Variants in GRM1 observed in about 807,000 individuals in gnomAD.
GRM1 encodes glutamate metabotropic receptor 1, also known as metabotropic glutamate receptor 1.
A neutral mutation model predicts 90.9 loss-of-function variants in GRM1; 33 were observed. That is an observed-to-expected ratio of 0.36 (90% CI 0.28 to 0.49). The LOEUF (loss-of-function observed/expected upper bound fraction) is 0.49, where lower values mean the gene tolerates loss of function less well. GRM1 is among the 20% of genes least tolerant of loss of function. GRM1 has a pLI of 0.99. For missense variants in GRM1, 1,190 were observed against 1,534.3 expected (o/e 0.78, Z 3.75); for synonymous variants, 700 against 613.2 (o/e 1.14, Z -2.09).
At chr6:146,140,433 T>A (rs1776830184) in intron 1 of GRM1, among the ~76,000 whole-genome samples, 1 of 152,000 alleles carries the variant, frequency 6.6e-6, no homozygotes, top group African/African-American at 2.4e-5. Flanking sequence ...CATACCAGGC[T>A]AATTTTTGTA....
At chr6:146,295,714 T>C (rs1783153103) in intron 2 of GRM1, among the ~76,000 whole-genome samples, 1 of 152,192 alleles carries the variant, frequency 6.6e-6, no homozygotes, top group Admixed American at 6.5e-5. Flanking sequence ...TGAGAGATTA[T>C]CTTAGTGGGC....
chr6:146,232,141 G>T (rs1402888345), intron 2 of GRM1, among the ~76,000 whole-genome samples: 2 of 152,064 alleles, frequency 1.3e-5, no homozygotes, highest in Non-Finnish European at 2.9e-5. Flanking sequence ...TTGGCAGTTT[G>T]TGTCTTTATT....
At chr6:146,329,035 A>G (rs1036311310) in intron 3 of GRM1, among the ~76,000 whole-genome samples, 1 of 152,134 alleles carries the variant, frequency 6.6e-6, no homozygotes, top group African/African-American at 2.4e-5. Context: ...ACACCCTGGG[A>G]CCATCTGTTA....
intron 3 of GRM1, among the ~76,000 whole-genome samples, chr6:146,315,118 C>T (rs1024722279): frequency 1.3e-5 from 2 of 152,126 alleles, no homozygotes; most frequent in African/African-American, 4.8e-5. Context: ...TCAAACTTCA[C>T]ACCAATGAGC....
intron 7 of GRM1, among the ~76,000 whole-genome samples, chr6:146,426,198 T>C (rs1778204420): frequency 6.8e-6 from 1 of 146,208 alleles, no homozygotes; most frequent in South Asian, 2.2e-4. Flanking sequence ...CCTTTAGGAG[T>C]AGAGGGTGGG....
At chr6:146,432,583 A>AT in intron 7 of GRM1, among the ~76,000 whole-genome samples, 1 of 152,326 alleles carries the variant, frequency 6.6e-6, no homozygotes, top group African/African-American at 2.4e-5. Context: ...AAAAATGTCC[A>AT]TTTTTATATT....
At chr6:146,183,134 A>G (rs1407612469) in intron 2 of GRM1, among the ~76,000 whole-genome samples, 2 of 152,116 alleles carry the variant, frequency 1.3e-5, no homozygotes, top group African/African-American at 4.8e-5. Flanking sequence ...GCAGGGTTCA[A>G]GATGGCTTAC....
chr6:146,092,335 A>G (rs1776742140), intron 1 of GRM1, among the ~76,000 whole-genome samples: 1 of 152,110 alleles, frequency 6.6e-6, no homozygotes, highest in Non-Finnish European at 1.5e-5. Flanking sequence ...CTAGGGTTTC[A>G]ACATGATTTT....
rs73578833 is a variant in GRM1, at chr6:146,093,728, T to A, written c.700+63511T>A. Among the ~76,000 whole-genome samples the A allele has an allele frequency of 1.0e-2, 1,515 of 152,158 alleles. 22 individuals are homozygous for A. The highest frequency in any genetic ancestry group is 0.035 in the African/African-American group (1,439 of 41,532). ...TCCAGCTCCTTTTCTCAAACATGCA[T>A]ATACAAATCCATTAAGGTGCTCAAT... is the stretch of plus-strand genomic sequence containing the variant. On this transcript the variant is annotated intron_variant, in intron 1 of 7. Coordinates refer to ENST00000282753, the MANE Select transcript of GRM1 (RefSeq NM_001278064.2).
intron 3 of GRM1, among the ~76,000 whole-genome samples, chr6:146,351,453 A>G (rs894682290): frequency 2.6e-5 from 4 of 152,214 alleles, no homozygotes; most frequent in East Asian, 1.9e-4. Flanking sequence ...TTTCTCATCC[A>G]TATCTAAGTC....
intron 7 of GRM1, among the ~76,000 whole-genome samples, chr6:146,409,744 TATA>T (rs1347151263): frequency 6.6e-6 from 1 of 152,170 alleles, no homozygotes; most frequent in African/African-American, 2.4e-5. Context: ...AAAATGTACC[TATA>T]ATAACATTTT....
chr6:146,283,008 T>C (rs1454427495), intron 2 of GRM1, among the ~76,000 whole-genome samples: 1 of 152,166 alleles, frequency 6.6e-6, no homozygotes, highest in Non-Finnish European at 1.5e-5. Context: ...AGGTACAGTA[T>C]TTTGTACAGT....
intron 1 of GRM1, among the ~76,000 whole-genome samples, chr6:146,074,609 A>G (rs186267245): frequency 6.6e-6 from 1 of 152,292 alleles, no homozygotes; most frequent in Non-Finnish European, 1.5e-5. Context: ...ACTTCCTGGC[A>G]GGTTTCTTTA....
intron 4 of GRM1, among the ~76,000 whole-genome samples, chr6:146,354,301 T>C (rs527719647): frequency 5.5e-4 from 84 of 152,282 alleles, no homozygotes; most frequent in Admixed American, 2.4e-3. Context: ...TACCTGCCTC[T>C]GTAAACCCTC....
chr6:146,153,636 G>A lies in GRM1; in HGVS notation c.701-5712G>A, dbSNP rs187629054. ...AACAGCACACACTAGGGCCTGTCAT[G>A]GGAAGCGGTGCAGGGAGGGAGAGCA... On this transcript the variant is annotated intron_variant, in intron 1 of 7. Coordinates refer to ENST00000282753, the MANE Select transcript of GRM1 (RefSeq NM_001278064.2). 9.9e-4 allele frequency among the ~76,000 whole-genome samples: 151 copies of A among 152,286 alleles called. 1 individual carries two copies. The highest frequency in any genetic ancestry group is 6.5e-3 in the Admixed American group (100 of 15,300).
At chr6:146,378,829 C>T (rs1776209071) in intron 5 of GRM1, among the ~76,000 whole-genome samples, 2 of 152,074 alleles carry the variant, frequency 1.3e-5, no homozygotes, top group Non-Finnish European at 2.9e-5. Context: ...GTAATTGAAT[C>T]ATGAGGTCCA....
At chr6:146,426,791 A>G in intron 7 of GRM1, 1 of 600,090 alleles carries the variant, frequency 1.7e-6, no homozygotes. Context: ...GACTGCCTTA[A>G]ATTGATTGTC....
chr6:146,263,692 C>G (rs1282458773), intron 2 of GRM1, among the ~76,000 whole-genome samples: 1 of 151,960 alleles, frequency 6.6e-6, no homozygotes, highest in Non-Finnish European at 1.5e-5. Context: ...TTTTGCATTT[C>G]AATTACTACA....
intron 6 of GRM1, among the ~76,000 whole-genome samples, chr6:146,392,388 C>T (rs1031337377): frequency 3.9e-5 from 6 of 152,108 alleles, no homozygotes; most frequent in South Asian, 2.1e-4. Context: ...TTTCTCGCAC[C>T]GTATTAGACC....
Sources: gnomAD v4.1 joint callset for allele counts (sites outside exome capture counted in the v4.1 genomes callset) on GRCh38, gnomAD v4.1.1 for gene constraint, MANE v1.5 for transcripts, NCBI Gene and HGNC (gene_info 2026-07-23, HGNC 2026-07-21) for gene names.